Variants in THBS4 observed in about 807,000 individuals in gnomAD.
The protein encoded by THBS4 is thrombospondin-4.
THBS4 carries 90 observed loss-of-function variants against 115.7 expected under a neutral mutation model. That is an observed-to-expected ratio of 0.78 (90% CI 0.66 to 0.93). THBS4 has a LOEUF of 0.93. Among genes scored for constraint, THBS4 ranks in the 40% least tolerant of loss-of-function variants. The pLI, the probability that THBS4 is intolerant of heterozygous loss-of-function variation, is 0.00. For missense variants in THBS4, 1,087 were observed against 1,232.7 expected (o/e 0.88, Z 1.77); for synonymous variants, 460 against 479.3 (o/e 0.96, Z 0.53).
rs778182559 is a variant in THBS4 at position 80,070,688 on chromosome 5, A to G, written c.1498A>G (p.Arg500Gly). The G allele has an allele frequency of 6.2e-7, 1 of 1,614,226 alleles. No individual in the cohort carries two copies. The highest frequency in any genetic ancestry group is 1.7e-5 in the Admixed American group (1 of 60,028). The change falls in exon 12 of 22, where the codon AGA (arginine) becomes GGA (glycine). Residue 500 changes from arginine to glycine, a missense_variant. Transcript: ENST00000350881. ...AAATTCTGGCCAAGAAGATGCAGACAGAGATGGCATTGGCGACGCTTGTGA... is the reference window on the plus strand; with the variant it reads ...AAATTCTGGCCAAGAAGATGCAGACGGAGATGGCATTGGCGACGCTTGTGA... ...VPNSGQEDAD[R>G]DGIGDACDED...
intron 2 of THBS4, among the ~76,000 whole-genome samples, chr5:80,028,755 G>A (rs991007551): frequency 1.3e-5 from 2 of 152,100 alleles, no homozygotes; most frequent in African/African-American, 2.4e-5. Context: ...TACCATGCCC[G>A]GCCCACAAAA....
chr5:80,079,985 G>C lies in THBS4; in HGVS notation c.2592G>C (p.Arg864Ser), dbSNP rs1743408388. 3 of 1,613,982 alleles carry C rather than the reference G, an allele frequency of 1.9e-6. No homozygotes were observed. The highest frequency in any genetic ancestry group is 2.5e-6 in the Non-Finnish European group (3 of 1,180,030). Residue 864 changes from arginine (R) to serine (S), a missense_variant, in exon 20 of 22, where the codon AGG becomes AGC. Around this residue, in one of 3 missense-constraint regions of THBS4, gnomAD observed 5 missense variants for 20.8 expected, o/e 0.24. Transcript: ENST00000350881. Reference sequence around the variant, plus strand: ...CGGGGGACACCAGTGACCAGGTCAGGCTGCTGTGGAAGGACTCCAGGAATG... The same window carrying C: ...CGGGGGACACCAGTGACCAGGTCAGCCTGCTGTGGAAGGACTCCAGGAATG... Reference protein sequence around the residue: ...WHTGDTSDQVRLLWKDSRNVG... With the variant: ...WHTGDTSDQVSLLWKDSRNVG...
Position 80,077,027 on chromosome 5 carries a change from C to A in THBS4, c.2065C>A (p.Pro689Thr), listed in dbSNP as rs1418375215. 53 of 1,608,120 alleles carry A rather than the reference C, an allele frequency of 3.3e-5. No individual in the cohort carries two copies. The highest frequency in any genetic ancestry group is 4.5e-5 in the Non-Finnish European group (53 of 1,176,890). Residue 689 changes from proline (P) to threonine (T), a missense_variant, in exon 16 of 22, where the codon CCA becomes ACA. Transcript: ENST00000350881. ...GPDNCRLVPN[P>T]AQEDSNSDGV... ...AGACAACTGCCGGCTGGTCCCCAAC[C>A]CAGCCCAGGAGGATAGCAACAGTAA...
intron 20 of THBS4, 133 bp downstream of exon 20, chr5:80,080,210 C>A: frequency 1.8e-6 from 2 of 1,098,192 alleles, no homozygotes; most frequent in South Asian, 1.6e-5. Context: ...CTTTTGTGAC[C>A]GCAGGATGGG....
At chr5:80,006,001 G>A (rs192334002) in intron 2 of THBS4, among the ~76,000 whole-genome samples, 22 of 152,108 alleles carry the variant, frequency 1.4e-4, no homozygotes, top group African/African-American at 4.6e-4. Flanking sequence ...TCTTGACCTC[G>A]TGATCCACTT....
Position 80,078,228 on chromosome 5 carries a change from G to A in THBS4, c.2265+1G>A, listed in dbSNP as rs1344750292. 1 of 1,575,440 alleles carries A rather than the reference G, an allele frequency of 6.3e-7. No homozygotes were observed. The highest frequency in any genetic ancestry group is 1.1e-5 in the South Asian group (1 of 87,582). On this transcript the variant is annotated splice_donor_variant, in intron 17 of 21. Transcript: ENST00000350881. LOFTEE classifies it high-confidence loss of function. ...TCCCAACTGGGTGGTCCTGAACCAGGTGAGTGTCACATGGGCGGCAATGGC... is the reference window on the plus strand; with the variant it reads ...TCCCAACTGGGTGGTCCTGAACCAGATGAGTGTCACATGGGCGGCAATGGC...
In THBS4 at chr5:80,061,697, C is replaced by T; in HGVS notation, c.990C>T (p.Cys330=). The change falls in exon 8 of 22, where the codon TGC becomes TGT. Residue 330 remains cysteine (C), a splice_region_variant and synonymous_variant. Coordinates refer to ENST00000350881, the MANE Select transcript of THBS4 (RefSeq NM_003248.6). The part of the protein sequence containing the change: ...NGITCIDVDE[C]KYHPCYPGVH... ...ACTTTGAACTTTTTTGTCTCCAGTG[C>T]AAATACCATCCCTGCTACCCGGGCG... The T allele has an allele frequency of 6.2e-7, 1 of 1,610,966 alleles. No individual in the cohort carries two copies. Among genetic ancestry groups the T allele is most frequent in the Non-Finnish European group, 8.5e-7 (1 of 1,178,402 alleles).
At chr5:80,059,593 A>G (rs1833556268) in intron 6 of THBS4, 102 bp downstream of exon 6, 2 of 1,590,466 alleles carry the variant, frequency 1.3e-6, no homozygotes, top group African/African-American at 1.3e-5. Context: ...AAGGTCTACC[A>G]CATAGTTGGA....
chr5:80,008,395 G>A (rs1195316510), intron 2 of THBS4, among the ~76,000 whole-genome samples: 2 of 151,852 alleles, frequency 1.3e-5, no homozygotes, highest in East Asian at 1.9e-4. Context: ...AAGCTTAACC[G>A]GGCTTCCCAC....
chr5:79,992,578 GAAA>G (rs1164853616), intron 1 of THBS4, among the ~76,000 whole-genome samples: 1 of 152,168 alleles, frequency 6.6e-6, no homozygotes, highest in Non-Finnish European at 1.5e-5. Flanking sequence ...TGTATAATTG[GAAA>G]ATGCATAACA....
intron 10 of THBS4, 56 bp downstream of exon 10, chr5:80,068,181 C>T: frequency 6.3e-7 from 1 of 1,595,366 alleles, no homozygotes; most frequent in Non-Finnish European, 8.6e-7. Context: ...TTAACACCAC[C>T]TCTCTCCAGT....
At chr5:79,997,582 C>G (rs188408720) in intron 1 of THBS4, among the ~76,000 whole-genome samples, 5 of 152,114 alleles carry the variant, frequency 3.3e-5, no homozygotes, top group Non-Finnish European at 5.9e-5. Context: ...TAGTTATACC[C>G]GACACTCAGC....
intron 20 of THBS4, 84 bp downstream of exon 20, chr5:80,080,161 C>G: frequency 6.9e-7 from 1 of 1,451,832 alleles, no homozygotes; most frequent in Non-Finnish European, 9.3e-7. Context: ...TTTCCCTGAG[C>G]AATTCTGACC....
intron 2 of THBS4, among the ~76,000 whole-genome samples, chr5:80,054,318 C>CTT (rs56296474): frequency 4.8e-5 from 6 of 123,948 alleles, no homozygotes; most frequent in African/African-American, 1.5e-4. Context: ...CACACCTGGC[C>CTT]TTTTTTTTTT....
intron 2 of THBS4, among the ~76,000 whole-genome samples, chr5:80,015,521 A>G (rs183195567): frequency 1.1e-3 from 167 of 152,336 alleles, no homozygotes; most frequent in African/African-American, 3.9e-3. Context: ...GGATAAGTCC[A>G]TGTTCTGGTG....
At chr5:79,997,748 G>A (rs1169627653) in intron 1 of THBS4, among the ~76,000 whole-genome samples, 5 of 152,102 alleles carry the variant, frequency 3.3e-5, no homozygotes, top group African/African-American at 4.8e-5. Context: ...GCTATTATGA[G>A]TCATAAAGCA....
chr5:80,008,703 C>T (rs532922348), intron 2 of THBS4, among the ~76,000 whole-genome samples: 38 of 152,194 alleles, frequency 2.5e-4, no homozygotes, highest in African/African-American at 8.9e-4. Context: ...TTGTGAGGGG[C>T]TCTCGTACAT....
chr5:80,000,880 A>AG (rs1294315646), intron 2 of THBS4, among the ~76,000 whole-genome samples: 1 of 152,052 alleles, frequency 6.6e-6, no homozygotes, highest in Non-Finnish European at 1.5e-5. Flanking sequence ...GCCAAAGAAA[A>AG]CATTCCCAGA....
At chr5:80,029,811 A>C (rs140696741) in intron 2 of THBS4, among the ~76,000 whole-genome samples, 33,390 of 151,262 alleles carry the variant, frequency 0.22, 3,905 homozygotes, top group South Asian at 0.28. Flanking sequence ...TACAAAAAAA[A>C]AAAAAAAAAT....
Sources: gnomAD v4.1 joint callset for allele counts (sites outside exome capture counted in the v4.1 genomes callset) on GRCh38, gnomAD v4.1.1 for gene constraint, gnomAD v4.1.1 regional missense constraint, MANE v1.5 for transcripts, NCBI Gene and HGNC (gene_info 2026-07-23, HGNC 2026-07-21) for gene names.